ABI2: variants seen among roughly 807,000 people sequenced by gnomAD.
ABI2 encodes the protein abl interactor 2.
ABI2 carries 25 observed loss-of-function variants against 59.2 expected under a neutral mutation model. That is an observed-to-expected ratio of 0.42 (90% CI 0.31 to 0.59). ABI2 has a LOEUF of 0.59. Among genes scored for constraint, ABI2 ranks in the 20% least tolerant of loss-of-function variants. ABI2 has a pLI of 0.14. For missense variants in ABI2, 545 were observed against 681.8 expected, an observed-to-expected ratio of 0.80 and a Z score of 2.23; for synonymous variants, 213 against 235.5, an observed-to-expected ratio of 0.90 and a Z score of 0.87.
chr2:203,359,201 A>C (rs903865696), intron 1 of ABI2, among the ~76,000 whole-genome samples: 2 of 152,172 alleles, frequency 1.3e-5, no homozygotes, highest in African/African-American at 4.8e-5. Flanking sequence ...TCTGAGACAA[A>C]TGTGATCTGC....
chr2:203,424,309 A>G (rs1020793856), intron 11 of ABI2, among the ~76,000 whole-genome samples: 5 of 152,238 alleles, frequency 3.3e-5, no homozygotes, highest in African/African-American at 9.6e-5. Context: ...ACAGTAAAGA[A>G]TTAGATGAAG....
chr2:203,355,340 TA>T, intron 1 of ABI2: 1 of 187,934 alleles, frequency 5.3e-6, no homozygotes, highest in South Asian at 9.7e-5. Context: ...TTGTTTCTAC[TA>T]AAAATAAAAT....
At chr2:203,331,399 C>T (rs2073373449) in intron 1 of ABI2, among the ~76,000 whole-genome samples, 1 of 136,290 alleles carries the variant, frequency 7.3e-6, no homozygotes, top group South Asian at 2.5e-4. Context: ...GTCGCCCAGG[C>T]TAGAGTGTAG....
At chr2:203,338,934 G>GTATA (rs1292898900) in intron 1 of ABI2, among the ~76,000 whole-genome samples, 2 of 5,188 alleles carry the variant, frequency 3.9e-4, no homozygotes, top group African/African-American at 7.8e-4. Flanking sequence ...GTGTGTATAT[G>GTATA]TATATATATA....
chr2:203,369,755 T>C (rs775580723), intron 2 of ABI2, among the ~76,000 whole-genome samples: 16 of 152,144 alleles, frequency 1.1e-4, no homozygotes, highest in Non-Finnish European at 1.9e-4. Flanking sequence ...GGGTAATAGA[T>C]CTGCAATTCT....
At chr2:203,418,245 A>G (rs2097997815) in intron 11 of ABI2, among the ~76,000 whole-genome samples, 1 of 152,258 alleles carries the variant, frequency 6.6e-6, no homozygotes, top group Non-Finnish European at 1.5e-5. Context: ...GATGAAAACT[A>G]TATTAGTTGT....
intron 2 of ABI2, among the ~76,000 whole-genome samples, chr2:203,372,579 C>T (rs1373757522): frequency 1.8e-4 from 27 of 150,748 alleles, no homozygotes; most frequent in Admixed American, 5.3e-4. Context: ...ACCTCCCTCC[C>T]GGACGGGGCG....
intron 1 of ABI2, among the ~76,000 whole-genome samples, chr2:203,332,132 A>C (rs1185059071): frequency 1.3e-5 from 2 of 151,944 alleles, no homozygotes; most frequent in Non-Finnish European, 2.9e-5. Flanking sequence ...TTTTTAATAA[A>C]AATTTAGATA....
chr2:203,334,102 A>C (rs1470811112), intron 1 of ABI2, among the ~76,000 whole-genome samples: 2 of 151,904 alleles, frequency 1.3e-5, no homozygotes, highest in Non-Finnish European at 2.9e-5. Flanking sequence ...CAGCATACCC[A>C]GCTAATTTTT....
chr2:203,334,861 G>A (rs1016275347), intron 1 of ABI2, among the ~76,000 whole-genome samples: 4 of 151,704 alleles, frequency 2.6e-5, no homozygotes, highest in African/African-American at 9.7e-5. Context: ...GGGTTTCACC[G>A]TATTGGCCAG....
chr2:203,350,987 C>T (rs2087885722), intron 1 of ABI2, among the ~76,000 whole-genome samples: 1 of 152,000 alleles, frequency 6.6e-6, no homozygotes, highest in African/African-American at 2.4e-5. Context: ...AGTTTTAGCT[C>T]TTACATTTAG....
chr2:203,404,764 G>A (rs61252898), intron 9 of ABI2, among the ~76,000 whole-genome samples: 6,629 of 152,160 alleles, frequency 0.044, 351 homozygotes, highest in African/African-American at 0.12. Context: ...TCACCATATC[G>A]GCCAAGCTGG....
intron 1 of ABI2, among the ~76,000 whole-genome samples, chr2:203,337,711 T>C (rs971788469): frequency 2.0e-5 from 3 of 152,182 alleles, no homozygotes; most frequent in Non-Finnish European, 4.4e-5. Context: ...GTTGGAGGTA[T>C]CATACTTCCT....
chr2:203,371,992 G>A (rs1418022132), intron 2 of ABI2, among the ~76,000 whole-genome samples: 1 of 151,612 alleles, frequency 6.6e-6, no homozygotes, highest in Non-Finnish European at 1.5e-5. Context: ...AGTTGGCAGG[G>A]TCATAGGATA....
At chr2:203,386,878 G>C (rs1013702903) in intron 4 of ABI2, among the ~76,000 whole-genome samples, 9 of 151,814 alleles carry the variant, frequency 5.9e-5, no homozygotes, top group African/African-American at 2.2e-4. Context: ...GGCCTCAGGC[G>C]ATCTGCCCAC....
At chr2:203,347,966 G>A (rs1033563473) in intron 1 of ABI2, among the ~76,000 whole-genome samples, 2 of 152,112 alleles carry the variant, frequency 1.3e-5, no homozygotes, top group Admixed American at 6.6e-5. Context: ...TGGGCTGGGC[G>A]CAGGTGGCTC....
chr2:203,398,731 C>T (rs2097105418), intron 8 of ABI2, among the ~76,000 whole-genome samples: 2 of 152,258 alleles, frequency 1.3e-5, no homozygotes, highest in Non-Finnish European at 2.9e-5. Flanking sequence ...CTCCCAGCTC[C>T]TGGTAAGCCC....
chr2:203,382,777 T>G (rs2096220713), intron 4 of ABI2, among the ~76,000 whole-genome samples: 1 of 152,078 alleles, frequency 6.6e-6, no homozygotes, highest in African/African-American at 2.4e-5. Context: ...CAGTATCATA[T>G]TTTGTAGAAA....
intron 11 of ABI2, among the ~76,000 whole-genome samples, chr2:203,423,449 G>A (rs1006709657): frequency 2.0e-5 from 3 of 151,972 alleles, no homozygotes; most frequent in East Asian, 1.9e-4. Context: ...TTTCTGAGAC[G>A]GAGTCTCGCT....
Sources: allele counts gnomAD v4.1 joint callset (sites outside exome capture counted in the v4.1 genomes callset), GRCh38; gene constraint gnomAD v4.1.1; transcripts MANE v1.5; gene names NCBI Gene and HGNC (gene_info 2026-07-23, HGNC 2026-07-21).